The following REC114 variants were observed in gnomAD, a reference collection of about 807,000 sequenced individuals.
REC114 encodes REC114 meiotic recombination protein.
In REC114, 27 loss-of-function variants were observed where a neutral mutation model predicts 31.3. That is an observed-to-expected ratio of 0.86 (90% CI 0.64 to 1.19). The LOEUF is 1.19. Ranked by LOEUF, REC114 falls within the 50% of genes most tolerant of loss-of-function variation. The pLI is 0.00. For synonymous variants in REC114, 134 were observed against 127.7 expected (o/e 1.05, Z -0.33); for missense variants, 344 against 326.9 (o/e 1.05, Z -0.40).
At chr15:73,473,039 A>G (rs560785298) in intron 1 of REC114, among the ~76,000 whole-genome samples, 2 of 152,250 alleles carry the variant, frequency 1.3e-5, no homozygotes, top group East Asian at 3.9e-4. Context: ...ATATTTTAAG[A>G]GTGACACTGA....
intron 2 of REC114, among the ~76,000 whole-genome samples, chr15:73,513,757 G>T (rs1206550851): frequency 6.7e-6 from 1 of 150,214 alleles, no homozygotes; most frequent in Non-Finnish European, 1.5e-5. Context: ...TAGGCTGCTC[G>T]GGGGTCAGGG....
intron 3 of REC114, among the ~76,000 whole-genome samples, chr15:73,546,009 T>C (rs1894303519): frequency 6.6e-6 from 1 of 152,170 alleles, no homozygotes; most frequent in Non-Finnish European, 1.5e-5. Context: ...TATCAGTTCT[T>C]TTCCCTTCCT....
intron 2 of REC114, among the ~76,000 whole-genome samples, chr15:73,485,417 A>C (rs961608030): frequency 6.6e-6 from 1 of 152,138 alleles, no homozygotes; most frequent in Non-Finnish European, 1.5e-5. Context: ...TTCTTTGGCC[A>C]CTGATATGGT....
chr15:73,443,843 C>T (rs1316956841), intron 1 of REC114, among the ~76,000 whole-genome samples: 1 of 152,172 alleles, frequency 6.6e-6, no homozygotes, highest in African/African-American at 2.4e-5. Flanking sequence ...GTTACTTAAC[C>T]TCTCTGTACC....
At chr15:73,513,681 C>A (rs1362377264) in intron 2 of REC114, among the ~76,000 whole-genome samples, 1 of 152,084 alleles carries the variant, frequency 6.6e-6, no homozygotes, top group Non-Finnish European at 1.5e-5. Context: ...CCCTCAGCTG[C>A]AGGTCTGTTG....
At chr15:73,461,912 TTTTTC>T (rs1567851954) in intron 1 of REC114, among the ~76,000 whole-genome samples, 2 of 134,802 alleles carry the variant, frequency 1.5e-5, no homozygotes, top group Admixed American at 7.2e-5. Context: ...TTTCTTTTTC[TTTTTC>T]TTTTCTTTTT....
chr15:73,508,547 A>C (rs1893716409), intron 2 of REC114, among the ~76,000 whole-genome samples: 2 of 142,542 alleles, frequency 1.4e-5, no homozygotes, highest in African/African-American at 2.6e-5. Context: ...GCACCCACTA[A>C]CTCGTCATCT....
intron 1 of REC114, among the ~76,000 whole-genome samples, chr15:73,447,617 C>A (rs1021720390): frequency 1.3e-4 from 20 of 151,584 alleles, no homozygotes; most frequent in Non-Finnish European, 2.6e-4. Flanking sequence ...CACTGCACTC[C>A]AGCCTGGGCA....
chr15:73,451,882 C>T (rs1208252250), intron 1 of REC114, among the ~76,000 whole-genome samples: 1 of 152,126 alleles, frequency 6.6e-6, no homozygotes, highest in African/African-American at 2.4e-5. Flanking sequence ...ATGACAAAAA[C>T]CACATGATTA....
chr15:73,540,166 C>A (rs1415673190), intron 2 of REC114, among the ~76,000 whole-genome samples: 1 of 151,948 alleles, frequency 6.6e-6, no homozygotes, highest in Non-Finnish European at 1.5e-5. Context: ...AATATTTTGG[C>A]AAATCCTAGA....
intron 2 of REC114, among the ~76,000 whole-genome samples, chr15:73,477,624 C>T (rs1400409909): frequency 2.0e-5 from 3 of 152,026 alleles, no homozygotes; most frequent in African/African-American, 7.2e-5. Context: ...CACTATGTTG[C>T]CTAGGCTGCT....
chr15:73,514,069 T>A (rs1159194097), intron 2 of REC114, among the ~76,000 whole-genome samples: 30 of 152,062 alleles, frequency 2.0e-4, no homozygotes, highest in African/African-American at 6.8e-4. Flanking sequence ...CAGTTTGATC[T>A]CAGACTGCTG....
chr15:73,556,699 GAATA>G (rs1046660404), intron 5 of REC114, among the ~76,000 whole-genome samples: 2 of 152,114 alleles, frequency 1.3e-5, no homozygotes, highest in African/African-American at 4.8e-5. Context: ...TCCCAAAAAA[GAATA>G]AATGGAGGAC....
chr15:73,550,828 T>C, intron 3 of REC114, 110 bp from the exon 4 acceptor site: 1 of 954,242 alleles, frequency 1.0e-6, no homozygotes, highest in Non-Finnish European at 1.6e-6. Flanking sequence ...GACTGTTCCC[T>C]TATCTATACC....
chr15:73,470,663 A>G (rs190861198), intron 1 of REC114, among the ~76,000 whole-genome samples: 9 of 152,344 alleles, frequency 5.9e-5, no homozygotes, highest in Admixed American at 2.0e-4. Context: ...CTCAGGGAAG[A>G]CTAGTAACAA....
chr15:73,458,337 G>A (rs529885657), intron 1 of REC114, among the ~76,000 whole-genome samples: 81 of 152,272 alleles, frequency 5.3e-4, no homozygotes, highest in Non-Finnish European at 8.8e-4. Context: ...GTGGAAGAAC[G>A]AATTCTAAAA....
intron 4 of REC114, among the ~76,000 whole-genome samples, chr15:73,551,728 G>A (rs1405048631): frequency 3.3e-5 from 5 of 152,142 alleles, no homozygotes; most frequent in Non-Finnish European, 7.3e-5. Context: ...TTATGTGAGA[G>A]AACAACAGAC....
chr15:73,555,927 C>T (rs541308672), intron 4 of REC114, among the ~76,000 whole-genome samples: 2 of 152,090 alleles, frequency 1.3e-5, no homozygotes, highest in African/African-American at 2.4e-5. Flanking sequence ...AGCTGGGGTC[C>T]GTCCACTGCA....
chr15:73,535,846 GA>G (rs1867014839), intron 2 of REC114, among the ~76,000 whole-genome samples: 1 of 151,880 alleles, frequency 6.6e-6, no homozygotes, highest in Non-Finnish European at 1.5e-5. Context: ...CAATGGAACA[GA>G]ACAGAGCCCT....
Sources: allele counts gnomAD v4.1 joint callset (sites outside exome capture counted in the v4.1 genomes callset), GRCh38; gene constraint gnomAD v4.1.1; transcripts MANE v1.5; gene names NCBI Gene and HGNC (gene_info 2026-07-23, HGNC 2026-07-21).